SLC9A5: variants seen among roughly 807,000 people sequenced by gnomAD.
The protein encoded by SLC9A5 is sodium/hydrogen exchanger 5.
SLC9A5 carries 52 observed loss-of-function variants against 91.7 expected under a neutral mutation model. That is an observed-to-expected ratio of 0.57 (90% confidence interval 0.45 to 0.71). The LOEUF (loss-of-function observed/expected upper bound fraction) is 0.71. Among genes scored for constraint, SLC9A5 ranks in the 30% least tolerant of loss-of-function variants. The pLI, the probability that SLC9A5 is intolerant of heterozygous loss-of-function variation, is 0.00. For synonymous variants in SLC9A5, 419 were observed against 474.5 expected (o/e 0.88, Z 1.52); for missense variants, 871 against 1,158.9 (o/e 0.75, Z 3.61).
At chr16:67,250,952 G>A (rs1452779803) in intron 1 of SLC9A5, among the ~76,000 whole-genome samples, 4 of 152,158 alleles carry the variant, frequency 2.6e-5, no homozygotes, top group East Asian at 1.9e-4. Flanking sequence ...TGCTAGAAAC[G>A]CTTTTCTTCT....
Position 67,271,589 on chromosome 16 carries a change from G to A in SLC9A5, c.*379G>A. ...AGAGCATCATTCCTATTCTTCAGTG[G>A]ATGCCAGCCTTCCCTGCCCCAACTC... On this transcript the variant is annotated 3_prime_UTR_variant, in exon 16 of 16. Coordinates refer to ENST00000299798, the MANE Select transcript of SLC9A5 (RefSeq NM_004594.3). 1 of 224,234 alleles carries A rather than the reference G, an allele frequency of 4.5e-6. No individual in the cohort carries two copies. The highest frequency in any genetic ancestry group is 9.0e-6 in the Non-Finnish European group (1 of 111,484). The allele number at this position is 224,234 out of a possible 1,614,324, so 13.9% of individuals were successfully genotyped here.
At chr16:67,268,325 ATTTT>A (rs548983298) in intron 15 of SLC9A5, among the ~76,000 whole-genome samples, 2 of 123,944 alleles carry the variant, frequency 1.6e-5, no homozygotes, top group Admixed American at 8.4e-5. Context: ...CCAGATAAGG[ATTTT>A]TTTTTTTTTT....
chr16:67,266,184 CT>C lies in SLC9A5; in HGVS notation c.2178del (p.Arg727ValfsTer75). ...GACGATGAGGGGATCATCTTTGTGG[CT>C]CGTGCCACCAGTGAGGTTCTCCAAG... ...KEDDEGIIFV[A>X]RATSEVLQEG... On this transcript the variant is annotated frameshift_variant, in exon 15 of 16. Coordinates refer to ENST00000299798, the MANE Select transcript of SLC9A5 (RefSeq NM_004594.3). LOFTEE classifies it high-confidence loss of function. The C allele has an allele frequency of 1.2e-6, 2 of 1,609,210 alleles. No homozygotes were observed. Among genetic ancestry groups the C allele is most frequent in the African/African-American group, 2.7e-5 (2 of 74,692 alleles).
In SLC9A5 at chr16:67,271,289, TTGA is replaced by T. The variant is rs1263247324; in HGVS notation, c.*80_*82del. The T allele has an allele frequency of 7.8e-7, 1 of 1,285,016 alleles. No homozygotes were observed. The highest frequency in any genetic ancestry group is 2.0e-5 in the Admixed American group (1 of 50,024). The allele number at this position is 1,285,016 out of a possible 1,614,324, so 79.6% of individuals were successfully genotyped here. A position where few individuals can be genotyped will look rare whatever the true frequency, so the allele number is the denominator to read the frequency against. On this transcript the variant is annotated 3_prime_UTR_variant, in exon 16 of 16. Coordinates refer to ENST00000299798, the MANE Select transcript of SLC9A5 (RefSeq NM_004594.3). ...GGGTGATGGGTAGAGCCCTCGAAAC[TTGA>T]CATGGGGCCAGAAGGGCCTGGGTTG...
intron 15 of SLC9A5, among the ~76,000 whole-genome samples, chr16:67,268,661 T>TATATATAC (rs2035802897): frequency 5.9e-5 from 1 of 16,824 alleles, no homozygotes; most frequent in Non-Finnish European, 1.0e-4. Context: ...TCCCTGATTA[T>TATATATAC]ATATATATAT....
rs905454391 is a variant in SLC9A5, at chr16:67,271,928, G to A, written c.*718G>A. 6.6e-6 allele frequency: 1 copy of A among 152,346 alleles called. No homozygotes were observed. Among genetic ancestry groups the A allele is most frequent in the East Asian group, 1.9e-4 (1 of 5,200 alleles). The allele number at this position is 152,346 out of a possible 1,614,324, so 9.4% of individuals were successfully genotyped here. ...GTCACCCTGGGATCTGCTGCTCTGGGTCTAAGTCTAGACCTTTCTGATCCT... is the reference window on the plus strand; with the variant it reads ...GTCACCCTGGGATCTGCTGCTCTGGATCTAAGTCTAGACCTTTCTGATCCT... On this transcript the variant is annotated 3_prime_UTR_variant, in exon 16 of 16. Coordinates refer to ENST00000299798, the MANE Select transcript of SLC9A5 (RefSeq NM_004594.3).
Position 67,264,372 on chromosome 16 carries a change from C to T in SLC9A5, c.1863C>T (p.Arg621=), listed in dbSNP as rs775014862. 9 of 1,614,052 alleles carry T rather than the reference C, an allele frequency of 5.6e-6. No homozygotes were observed. The South Asian group carries it at 7.7e-5, about 14-fold the overall frequency. Residue 621 remains arginine (R), a synonymous_variant, in exon 13 of 16, where the codon CGC becomes CGT. Coordinates refer to ENST00000299798, the MANE Select transcript of SLC9A5 (RefSeq NM_004594.3). The part of the protein sequence containing the change: ...PRRRYKASCS[R]HFISEDAQER... The stretch of plus-strand genomic sequence containing the variant: ...GCCAGTACAAAGCCAGCTGCAGTCG[C>T]CACTTCATCTCAGAGGATGCGCAGG...
intron 12 of SLC9A5, chr16:67,262,902 G>C (rs1032619299): frequency 6.5e-6 from 1 of 153,048 alleles, no homozygotes; most frequent in Non-Finnish European, 1.5e-5. Flanking sequence ...AGGCAGCACT[G>C]TGGAGTTGTG....
Position 67,255,358 on chromosome 16 carries a change from C to T in SLC9A5, c.655-35C>T. 1 of 1,591,812 alleles carries T rather than the reference C, an allele frequency of 6.3e-7. No homozygotes were observed. The highest frequency in any genetic ancestry group is 8.6e-7 in the Non-Finnish European group (1 of 1,161,378). On this transcript the variant is annotated intron_variant, in intron 3 of 15. Transcript: ENST00000299798. This position sits in a 1 kb window ranked among gnomAD's most constrained non-coding sequence, Gnocchi z 4.9. ...TCCCAGCAGTCCCAGTTGCTGCCTT[C>T]CCGCCTCACTGCTGACTCTCCTCTT...
Position 67,266,146 on chromosome 16 carries a change from G to C in SLC9A5, c.2139G>C (p.Glu713Asp). ...AGGAGGAGGAGAGCGACAGTTCAGA[G>C]ACAGAGAAGGAGGACGATGAGGGGA... Reference protein sequence around the residue: ...EEEEEESDSSETEKEDDEGII... With the variant: ...EEEEEESDSSDTEKEDDEGII... The change falls in exon 15 of 16, where the codon GAG (glutamate) becomes GAC (aspartate). Residue 713 changes from glutamate (E) to aspartate (D), a missense_variant. Glu to Asp is a conservative substitution (Grantham distance 45). Transcript: ENST00000299798. 3 of 1,611,818 alleles carry C rather than the reference G, an allele frequency of 1.9e-6. No individual in the cohort carries two copies. Among genetic ancestry groups the C allele is most frequent in the Non-Finnish European group, 2.5e-6 (3 of 1,178,994 alleles).
intron 15 of SLC9A5, among the ~76,000 whole-genome samples, chr16:67,268,931 G>A (rs2142393034): frequency 6.6e-6 from 1 of 151,448 alleles, no homozygotes; most frequent in East Asian, 2.0e-4. Context: ...CAGCAAAGGA[G>A]TAGCTGTCCC....
chr16:67,268,658 T>TTTTATTTATA (rs1309246335), intron 15 of SLC9A5, among the ~76,000 whole-genome samples: 2 of 42,324 alleles, frequency 4.7e-5, no homozygotes, highest in Non-Finnish European at 8.4e-5. Flanking sequence ...ATTTCCCTGA[T>TTTTATTTATA]TATATATATA....
At chr16:67,259,709 C>T (rs754178008) in intron 11 of SLC9A5, 48 bp downstream of exon 11, 6 of 1,595,192 alleles carry the variant, frequency 3.8e-6, no homozygotes, top group African/African-American at 2.7e-5. Context: ...CTCCATTGTG[C>T]CCTCTCTCTG....
In SLC9A5 at chr16:67,271,014, C is replaced by G. The variant is rs1479190755; in HGVS notation, c.2495C>G (p.Pro832Arg). 2 of 1,613,696 alleles carry G rather than the reference C, an allele frequency of 1.2e-6. No homozygotes were observed. The highest frequency in any genetic ancestry group is 2.7e-5 in the African/African-American group (2 of 74,930). The change falls in exon 16 of 16, where the codon CCT (proline) becomes CGT (arginine). Residue 832 changes from proline to arginine, a missense_variant. Pro to Arg is a moderately radical substitution (Grantham distance 103). This residue lies in a region of SLC9A5 where 295 missense variants were observed against 326.0 expected (regional missense o/e 0.90). Coordinates refer to ENST00000299798, the MANE Select transcript of SLC9A5 (RefSeq NM_004594.3). ...TEEPQVPLHLPSDPRSSFAFP... is the reference protein window; with the variant it reads ...TEEPQVPLHLRSDPRSSFAFP... ...GAGCCCCAGGTCCCTCTCCACCTAC[C>G]TTCTGATCCACGCTCTAGCTTCGCC... is the stretch of plus-strand genomic sequence containing the variant.
In SLC9A5 at chr16:67,258,242, T is replaced by G; in HGVS notation, c.1497-76T>G. ...AGCCAGGCCAGTGCTGACGGTGTCC[T>G]TGCCCCGTCTGAGGAAGGGCCACCT... On this transcript the variant is annotated intron_variant, in intron 9 of 15. Transcript: ENST00000299798. This position sits in a 1 kb window ranked among gnomAD's most constrained non-coding sequence, Gnocchi z 4.5. 6.6e-7 allele frequency: 1 copy of G among 1,522,842 alleles called. No homozygotes were observed. The highest frequency in any genetic ancestry group is 9.0e-7 in the Non-Finnish European group (1 of 1,107,400). The allele number at this position is 1,522,842 out of a possible 1,614,324, so 94.3% of individuals were successfully genotyped here. A position where few individuals can be genotyped will look rare whatever the true frequency, so the allele number is the denominator to read the frequency against.
Position 67,256,555 on chromosome 16 carries a change from A to C in SLC9A5, c.998A>C (p.Lys333Thr), listed in dbSNP as rs1166974556. ...KSRTTVKYTM[K>T]TLASCAETVI... ...CGCACAACTGTCAAATATACAATGA[A>C]GACTCTAGCCAGCTGTGCTGAGACC... Residue 333 changes from lysine to threonine, a missense_variant, in exon 6 of 16, where the codon AAG (lysine) becomes ACG (threonine). By Grantham distance (78) the Lys-to-Thr change is moderately conservative. Around this residue, in one of 3 missense-constraint regions of SLC9A5, gnomAD observed 454 missense variants for 718.3 expected, o/e 0.63. Transcript: ENST00000299798. The surrounding 1 kb of genome is among the most constrained non-coding windows in gnomAD (Gnocchi z 4.1). 1 of 1,613,912 alleles carries C rather than the reference A, an allele frequency of 6.2e-7. No individual in the cohort carries two copies. Among genetic ancestry groups the C allele is most frequent in the Non-Finnish European group, 8.5e-7 (1 of 1,179,958 alleles).
intron 12 of SLC9A5, chr16:67,263,222 TCC>T (rs1183042620): frequency 6.6e-6 from 1 of 151,934 alleles, no homozygotes; most frequent in Admixed American, 6.6e-5. Flanking sequence ...GGACCCCTTC[TCC>T]CCAGGAGAGA....
intron 15 of SLC9A5, among the ~76,000 whole-genome samples, chr16:67,268,705 TA>T (rs1567421750): frequency 3.9e-4 from 37 of 95,450 alleles, no homozygotes; most frequent in Admixed American, 7.4e-4. Context: ...TATATATATA[TA>T]TATATTTTTA....
Position 67,271,837 on chromosome 16 carries a change from T to A in SLC9A5, c.*627T>A, listed in dbSNP as rs1287630891. Reference sequence around the variant, plus strand: ...TGCCAGGTATTGGGGTAATATTTCCTCCTTTTCCAAGACCAAGGCCAAGAG... The same window carrying A: ...TGCCAGGTATTGGGGTAATATTTCCACCTTTTCCAAGACCAAGGCCAAGAG... On this transcript the variant is annotated 3_prime_UTR_variant, in exon 16 of 16. Coordinates refer to ENST00000299798, the MANE Select transcript of SLC9A5 (RefSeq NM_004594.3). 1.3e-5 allele frequency: 2 copies of A among 152,640 alleles called. No homozygotes were observed. The allele number at this position is 152,640 out of a possible 1,614,324, so 9.5% of individuals were successfully genotyped here. A position where few individuals can be genotyped will look rare whatever the true frequency, so the allele number is the denominator to read the frequency against.
Sources: allele counts gnomAD v4.1 joint callset (sites outside exome capture counted in the v4.1 genomes callset), GRCh38; gene constraint gnomAD v4.1.1; regional missense constraint gnomAD v4.1.1; non-coding constraint Gnocchi (gnomAD v3.1); transcripts MANE v1.5; gene names NCBI Gene and HGNC (gene_info 2026-07-23, HGNC 2026-07-21).